The following AGBL1 variants were observed in gnomAD, a reference collection of about 807,000 sequenced individuals.
AGBL1 encodes the protein cytosolic carboxypeptidase 4.
A neutral mutation model predicts 118.9 loss-of-function variants in AGBL1; 130 were observed. The observed-to-expected ratio is 1.09, with a 90% CI of 0.95 to 1.26. AGBL1 has a LOEUF of 1.26. Among genes scored for constraint, AGBL1 ranks in the 50% most tolerant of loss-of-function variants. AGBL1 has a pLI of 0.00. For missense variants in AGBL1, 1,584 were observed against 1,298.1 expected (o/e 1.22, Z -3.38); for synonymous variants, 555 against 478.9 (o/e 1.16, Z -2.08).
intron 3 of AGBL1, among the ~76,000 whole-genome samples, chr15:86,150,905 AAG>A (rs1404640073): frequency 8.5e-5 from 13 of 152,290 alleles, no homozygotes; most frequent in Non-Finnish European, 4.4e-5. Flanking sequence ...GCACATCAAA[AAG>A]CTTATCTCAA....
rs1377438095 is a variant in AGBL1 at position 86,549,866 on chromosome 15, G to A, written c.2817+3733G>A. On this transcript the variant is annotated intron_variant, in intron 20 of 22. Transcript: ENST00000614907. ...AAGAGGACAGGAGAGGAGGGGAGGGGAAGGGTGGGGAGGGGAGTGGAGGGA... is the reference window on the plus strand; with the variant it reads ...AAGAGGACAGGAGAGGAGGGGAGGGAAAGGGTGGGGAGGGGAGTGGAGGGA... Among the ~76,000 whole-genome samples the A allele has an allele frequency of 4.0e-5, 5 of 125,842 alleles. No homozygotes were observed. The Admixed American group carries it at 4.4e-4, about 11-fold the overall frequency. 82.6% of individuals were successfully genotyped at this position (125,842 alleles called of 152,430 possible). A position where few individuals can be genotyped will look rare whatever the true frequency, so the allele number is the denominator to read the frequency against.
chr15:86,444,889 A>C (rs2082103752), intron 18 of AGBL1, among the ~76,000 whole-genome samples: 1 of 152,192 alleles, frequency 6.6e-6, no homozygotes, highest in South Asian at 2.1e-4. Flanking sequence ...AGTTCACTTA[A>C]TTTGGTTTCC....
intron 3 of AGBL1, among the ~76,000 whole-genome samples, chr15:86,154,144 T>C (rs141055536): frequency 7.9e-5 from 12 of 152,304 alleles, no homozygotes; most frequent in African/African-American, 2.9e-4. Context: ...AACAACTTTA[T>C]TCCCAATTGA....
At chr15:86,592,861 G>C (rs2142354963) in intron 21 of AGBL1, among the ~76,000 whole-genome samples, 1 of 152,252 alleles carries the variant, frequency 6.6e-6, no homozygotes, top group East Asian at 1.9e-4. Flanking sequence ...CCCAATGGTT[G>C]CTTGACATTC....
At chr15:86,936,240 ATGTG>A (rs767265459) in intron 23 of AGBL1, among the ~76,000 whole-genome samples, 93 of 134,114 alleles carry the variant, frequency 6.9e-4, no homozygotes, top group African/African-American at 1.3e-3. Flanking sequence ...GTGTGTATGT[ATGTG>A]TGTGTGTGTG....
intron 17 of AGBL1, among the ~76,000 whole-genome samples, chr15:86,336,371 G>GA (rs1567205264): frequency 6.6e-6 from 1 of 152,194 alleles, no homozygotes; most frequent in Non-Finnish European, 1.5e-5. Flanking sequence ...CGCCCCTGAG[G>GA]TTTCGCTGAT....
chr15:86,369,171 A>G (rs548616484), intron 17 of AGBL1, among the ~76,000 whole-genome samples: 2 of 152,338 alleles, frequency 1.3e-5, no homozygotes, highest in Admixed American at 6.5e-5. Flanking sequence ...ATGAGGAATG[A>G]TGATGAATAT....
intron 17 of AGBL1, among the ~76,000 whole-genome samples, chr15:86,396,790 A>G (rs1041107954): frequency 8.5e-5 from 13 of 152,172 alleles, no homozygotes; most frequent in African/African-American, 2.9e-4. Context: ...TTTTATAGAT[A>G]GGAGATAGTG....
intron 23 of AGBL1, among the ~76,000 whole-genome samples, chr15:86,985,414 T>C (rs2141729693): frequency 6.6e-6 from 1 of 152,330 alleles, no homozygotes; most frequent in Middle Eastern, 3.4e-3. Context: ...CGTCAGCCTT[T>C]TTAATTTTAG....
intron 5 of AGBL1, among the ~76,000 whole-genome samples, chr15:86,212,719 G>A (rs1285461758): frequency 6.6e-6 from 1 of 152,046 alleles, no homozygotes; most frequent in African/African-American, 2.4e-5. Flanking sequence ...GCGTGATCTT[G>A]GCACACTGCA....
intron 5 of AGBL1, among the ~76,000 whole-genome samples, chr15:86,177,273 T>A (rs1310608201): frequency 6.6e-6 from 1 of 152,158 alleles, no homozygotes. Flanking sequence ...GTTTACCTAA[T>A]AACAGAGCTT....
At chr15:86,792,349 C>T (rs540548044) in intron 22 of AGBL1, among the ~76,000 whole-genome samples, 13 of 152,142 alleles carry the variant, frequency 8.5e-5, no homozygotes, top group African/African-American at 3.1e-4. Flanking sequence ...GCAAGGAGTA[C>T]TCTAGTAATT....
At chr15:86,810,873 AC>A (rs1162364361) in intron 22 of AGBL1, among the ~76,000 whole-genome samples, 7 of 152,166 alleles carry the variant, frequency 4.6e-5, no homozygotes, top group African/African-American at 1.7e-4. Flanking sequence ...TTCAGGCCAC[AC>A]CTCAAGCAGC....
At chr15:86,265,688 A>G (rs1406174856) in intron 11 of AGBL1, among the ~76,000 whole-genome samples, 2 of 152,180 alleles carry the variant, frequency 1.3e-5, no homozygotes, top group Non-Finnish European at 2.9e-5. Context: ...TTTGAGAAAC[A>G]GATCACAAGG....
intron 5 of AGBL1, among the ~76,000 whole-genome samples, chr15:86,214,205 T>G (rs1781193482): frequency 6.6e-6 from 1 of 152,220 alleles, no homozygotes; most frequent in Non-Finnish European, 1.5e-5. Flanking sequence ...ATCTATTGAA[T>G]CAGAAACTGT....
At chr15:86,150,932 A>T (rs1397817516) in intron 3 of AGBL1, among the ~76,000 whole-genome samples, 1 of 152,118 alleles carries the variant, frequency 6.6e-6, no homozygotes, top group African/African-American at 2.4e-5. Flanking sequence ...AGACTGGATT[A>T]AAAAAATGTG....
At chr15:86,990,788 A>T (rs1411633984) in intron 24 of AGBL1, among the ~76,000 whole-genome samples, 2 of 152,266 alleles carry the variant, frequency 1.3e-5, no homozygotes, top group Non-Finnish European at 1.5e-5. Flanking sequence ...CTACCTCCGA[A>T]GGTGGTTCAA....
At chr15:87,015,265 T>G (rs2081598093) in intron 24 of AGBL1, among the ~76,000 whole-genome samples, 5 of 152,294 alleles carry the variant, frequency 3.3e-5, no homozygotes, top group Admixed American at 3.3e-4. Flanking sequence ...TGCTACTGGC[T>G]TCTCTGGTTC....
chr15:86,570,195 C>A (rs1184750177), intron 21 of AGBL1, among the ~76,000 whole-genome samples: 2 of 152,130 alleles, frequency 1.3e-5, no homozygotes, highest in Admixed American at 1.3e-4. Context: ...TGGGGTGCAC[C>A]CCAAACCATA....
Sources: gnomAD v4.1 joint callset for allele counts (sites outside exome capture counted in the v4.1 genomes callset) on GRCh38, gnomAD v4.1.1 for gene constraint, MANE v1.5 for transcripts, NCBI Gene and HGNC (gene_info 2026-07-23, HGNC 2026-07-21) for gene names.